Variants in ARHGAP24 observed in about 807,000 individuals in gnomAD.
The protein encoded by ARHGAP24 is Rho GTPase activating protein 24, also known as rho GTPase-activating protein 24.
A neutral mutation model predicts 76.4 loss-of-function variants in ARHGAP24; 50 were observed. The ratio of observed to expected loss-of-function variants is 0.65; its 90% confidence interval spans 0.52 to 0.83. The LOEUF (loss-of-function observed/expected upper bound fraction) is 0.83. Ranked by LOEUF, ARHGAP24 falls within the 40% of genes least tolerant of loss-of-function variation. ARHGAP24 has a pLI of 0.00. For missense variants in ARHGAP24, 930 were observed against 914.2 expected (o/e 1.02, Z -0.22); for synonymous variants, 345 against 323.3 (o/e 1.07, Z -0.72).
chr4:85,718,281 T>A (rs1724806743), intron 2 of ARHGAP24, among the ~76,000 whole-genome samples: 1 of 152,150 alleles, frequency 6.6e-6, no homozygotes, highest in African/African-American at 2.4e-5. Context: ...TGTAGATGAC[T>A]ACACTTGGCA....
intron 9 of ARHGAP24, among the ~76,000 whole-genome samples, chr4:85,997,759 G>A (rs1244666504): frequency 1.3e-5 from 2 of 151,932 alleles, no homozygotes; most frequent in African/African-American, 4.8e-5. Context: ...AAGTTGAAGC[G>A]ATTCTCCTGC....
chr4:85,921,188 C>A (rs1313924947), intron 3 of ARHGAP24, among the ~76,000 whole-genome samples: 1 of 152,136 alleles, frequency 6.6e-6, no homozygotes, highest in African/African-American at 2.4e-5. Context: ...CCACGGAACA[C>A]TATGTAGCCA....
At chr4:85,508,544 T>A (rs889431412) in intron 1 of ARHGAP24, among the ~76,000 whole-genome samples, 1 of 152,158 alleles carries the variant, frequency 6.6e-6, no homozygotes, top group Admixed American at 6.5e-5. Context: ...AGAAACACAA[T>A]ACAGATCTTA....
chr4:85,977,526 A>C, intron 7 of ARHGAP24, 44 bp from the exon 8 acceptor site: 1 of 1,604,954 alleles, frequency 6.2e-7, no homozygotes, highest in Non-Finnish European at 8.5e-7. Context: ...TCCACTGGCA[A>C]ATTTGATCCC....
chr4:85,685,907 G>A (rs1241242561), intron 2 of ARHGAP24, among the ~76,000 whole-genome samples: 3 of 152,242 alleles, frequency 2.0e-5, no homozygotes, highest in South Asian at 2.1e-4. Flanking sequence ...GGCAGTAGCT[G>A]AAGTAACAGG....
intron 1 of ARHGAP24, among the ~76,000 whole-genome samples, chr4:85,520,202 C>T (rs17010319): frequency 0.053 from 8,122 of 152,136 alleles, 672 homozygotes; most frequent in African/African-American, 0.18. Flanking sequence ...AAAATTTATA[C>T]TGTTTTATGA....
chr4:85,758,918 T>G (rs550223121), intron 3 of ARHGAP24, among the ~76,000 whole-genome samples: 1 of 152,344 alleles, frequency 6.6e-6, no homozygotes, highest in South Asian at 2.1e-4. Context: ...ATAGTTTTGC[T>G]GATGAGGCTT....
chr4:85,488,274 G>C (rs1486591577), intron 1 of ARHGAP24, among the ~76,000 whole-genome samples: 2 of 151,964 alleles, frequency 1.3e-5, no homozygotes, highest in African/African-American at 2.4e-5. Context: ...AGGGGGAAAA[G>C]GGAGGTGTAA....
At chr4:85,778,498 C>T (rs1727390820) in intron 3 of ARHGAP24, among the ~76,000 whole-genome samples, 1 of 152,166 alleles carries the variant, frequency 6.6e-6, no homozygotes, top group African/African-American at 2.4e-5. Flanking sequence ...TGACCTTATA[C>T]AAATCATATT....
chr4:85,878,609 T>C (rs970291460), intron 3 of ARHGAP24, among the ~76,000 whole-genome samples: 3 of 152,156 alleles, frequency 2.0e-5, no homozygotes, highest in African/African-American at 7.2e-5. Flanking sequence ...ATTATATATA[T>C]ATAATTCTAC....
At chr4:85,648,661 C>T (rs1021883187) in intron 2 of ARHGAP24, among the ~76,000 whole-genome samples, 2 of 152,016 alleles carry the variant, frequency 1.3e-5, no homozygotes, top group Non-Finnish European at 2.9e-5. Flanking sequence ...CTGTTATTTC[C>T]TCTGAGTTTT....
intron 1 of ARHGAP24, among the ~76,000 whole-genome samples, chr4:85,481,058 G>A (rs1722797362): frequency 6.6e-6 from 1 of 151,946 alleles, no homozygotes; most frequent in Non-Finnish European, 1.5e-5. Context: ...TTGAATCTAA[G>A]ACTCTCATAA....
At chr4:85,598,321 A>C (rs962619418) in intron 2 of ARHGAP24, among the ~76,000 whole-genome samples, 1 of 152,110 alleles carries the variant, frequency 6.6e-6, no homozygotes, top group East Asian at 1.9e-4. Flanking sequence ...TTTTATAATT[A>C]TGTCCCATTC....
chr4:85,487,531 A>G (rs1318534575), intron 1 of ARHGAP24, among the ~76,000 whole-genome samples: 9 of 109,830 alleles, frequency 8.2e-5, no homozygotes, highest in African/African-American at 3.1e-4. Context: ...TTTATTACAT[A>G]TTATATAAAC....
intron 1 of ARHGAP24, among the ~76,000 whole-genome samples, chr4:85,517,301 GC>G (rs1048465403): frequency 1.1e-4 from 16 of 151,582 alleles, no homozygotes; most frequent in Non-Finnish European, 2.1e-4. Context: ...TAAACAAATA[GC>G]CCCCCTCTCA....
chr4:85,561,202 G>A (rs959107924), intron 1 of ARHGAP24, among the ~76,000 whole-genome samples: 1 of 152,160 alleles, frequency 6.6e-6, no homozygotes, highest in Non-Finnish European at 1.5e-5. Flanking sequence ...GGTGGCACCA[G>A]GGAAGCCTTT....
chr4:85,956,616 G>A (rs1019758197), intron 5 of ARHGAP24, among the ~76,000 whole-genome samples: 6 of 152,084 alleles, frequency 3.9e-5, no homozygotes, highest in Non-Finnish European at 7.4e-5. Flanking sequence ...ATTAGAAGCC[G>A]TGGGTCATGG....
intron 3 of ARHGAP24, among the ~76,000 whole-genome samples, chr4:85,737,162 A>C (rs981613116): frequency 6.6e-6 from 1 of 152,020 alleles, no homozygotes; most frequent in Non-Finnish European, 1.5e-5. Flanking sequence ...TGATGGTATA[A>C]CCTTCCTTCT....
chr4:85,833,348 A>G (rs775236673), intron 3 of ARHGAP24, among the ~76,000 whole-genome samples: 1 of 152,162 alleles, frequency 6.6e-6, no homozygotes, highest in Non-Finnish European at 1.5e-5. Context: ...GACAGCTTCA[A>G]TTGGAAAGGT....
Sources: allele counts gnomAD v4.1 joint callset (sites outside exome capture counted in the v4.1 genomes callset), GRCh38; gene constraint gnomAD v4.1.1; transcripts MANE v1.5; gene names NCBI Gene and HGNC (gene_info 2026-07-23, HGNC 2026-07-21).